SCLT1: variants seen among roughly 807,000 people sequenced by gnomAD.
SCLT1 encodes sodium channel and clathrin linker 1, also known as sodium channel-associated protein 1.
Under a neutral mutation model 112.8 loss-of-function variants are expected in SCLT1, and 78 were observed. The observed-to-expected ratio is 0.69, with a 90% CI of 0.58 to 0.83. The LOEUF is 0.83. Among genes scored for constraint, SCLT1 ranks in the 40% least tolerant of loss-of-function variants. SCLT1 has a pLI of 0.00. For synonymous variants in SCLT1, 257 were observed against 254.7 expected (o/e 1.01, Z -0.09); for missense variants, 747 against 770.4 (o/e 0.97, Z 0.36).
Position 129,005,595 on chromosome 4 carries a change from G to A in SCLT1, c.291-1719C>T, listed in dbSNP as rs183305367. On this transcript the variant is annotated intron_variant, in intron 5 of 20. Transcript: ENST00000281142. ...ACTGTAAACTAGTTCAACTATTGTG[G>A]AAGTCAGTGTGGCAATTCCTCAGGG... Among the ~76,000 whole-genome samples, 530 of 152,278 alleles carry A rather than the reference G, an allele frequency of 3.5e-3. 1 individual carries two copies. Among genetic ancestry groups the A allele is most frequent in the Non-Finnish European group, 5.7e-3 (390 of 68,026 alleles).
intron 2 of SCLT1, among the ~76,000 whole-genome samples, chr4:129,063,410 C>T (rs1298144034): frequency 6.6e-6 from 1 of 152,212 alleles, no homozygotes; most frequent in African/African-American, 2.4e-5. Context: ...TTCTTTGGAT[C>T]CCATTAAACT....
chr4:128,991,859 T>A (rs1033378539), intron 9 of SCLT1, among the ~76,000 whole-genome samples: 1 of 151,854 alleles, frequency 6.6e-6, no homozygotes, highest in East Asian at 1.9e-4. Context: ...TACTAGGTAT[T>A]ATAAGTTATC....
chr4:129,014,180 A>G (rs1579702864), intron 5 of SCLT1, among the ~76,000 whole-genome samples: 1 of 151,846 alleles, frequency 6.6e-6, no homozygotes, highest in Middle Eastern at 3.4e-3. Context: ...TTTTTTCTAT[A>G]CTGGCTATTT....
intron 13 of SCLT1, among the ~76,000 whole-genome samples, 196 bp from the exon 14 acceptor site, chr4:128,953,036 T>C (rs966102424): frequency 2.0e-5 from 3 of 152,052 alleles, no homozygotes; most frequent in African/African-American, 7.2e-5. Context: ...GAATGGTATA[T>C]CCAAAAGGAC....
At chr4:128,955,461 G>A (rs1359170632) in intron 13 of SCLT1, among the ~76,000 whole-genome samples, 1 of 152,100 alleles carries the variant, frequency 6.6e-6, no homozygotes, top group Non-Finnish European at 1.5e-5. Flanking sequence ...AAGAAATAAA[G>A]TATTTTCATA....
intron 18 of SCLT1, among the ~76,000 whole-genome samples, chr4:128,915,172 A>C (rs1037573516): frequency 3.9e-5 from 6 of 152,234 alleles, no homozygotes; most frequent in Non-Finnish European, 7.3e-5. Flanking sequence ...TTATGTTCAT[A>C]TATAGATACC....
In SCLT1 at chr4:128,946,026, T is replaced by C. The variant is rs769779138; in HGVS notation, c.1420A>G (p.Ile474Val). ...QLRLTRAENR[I>V]KQLETDSSEE... ...ACTTACTCAGTTTCAAGTTGTTTTA[T>C]TCTATTTTCTGCTCTCGTAAGTCTT... Residue 474 changes from isoleucine (I) to valine (V), a missense_variant, in exon 16 of 21, where the codon ATA becomes GTA. Transcript: ENST00000281142. 2 of 1,608,798 alleles carry C rather than the reference T, an allele frequency of 1.2e-6. No homozygotes were observed. The highest frequency in any genetic ancestry group is 1.7e-6 in the Non-Finnish European group (2 of 1,176,642).
chr4:128,948,380 C>T (rs1180595686), intron 15 of SCLT1, 116 bp downstream of exon 15: 1 of 803,644 alleles, frequency 1.2e-6, no homozygotes, highest in Non-Finnish European at 1.7e-6. Flanking sequence ...GAAAAACTTA[C>T]CAGGACAATA....
intron 5 of SCLT1, among the ~76,000 whole-genome samples, chr4:129,020,483 T>C (rs1745367533): frequency 6.6e-6 from 1 of 152,216 alleles, no homozygotes; most frequent in African/African-American, 2.4e-5. Flanking sequence ...CTTTGACAAA[T>C]ACAAGTGATG....
chr4:128,960,069 C>T (rs1296651066), intron 11 of SCLT1, among the ~76,000 whole-genome samples: 1 of 152,092 alleles, frequency 6.6e-6, no homozygotes, highest in Non-Finnish European at 1.5e-5. Context: ...TTATGTTATA[C>T]TTGTTATGGT....
At chr4:128,928,389 T>C (rs1234387075) in intron 18 of SCLT1, among the ~76,000 whole-genome samples, 1 of 151,976 alleles carries the variant, frequency 6.6e-6, no homozygotes, top group African/African-American at 2.4e-5. Flanking sequence ...AATCCAGAAA[T>C]ATATATAAGG....
chr4:129,062,222 T>C, intron 2 of SCLT1, among the ~76,000 whole-genome samples: 1 of 152,154 alleles, frequency 6.6e-6, no homozygotes, highest in Non-Finnish European at 1.5e-5. Flanking sequence ...ATTTTCTACA[T>C]GGCCATTTTG....
At chr4:128,986,213 G>C (rs779048889) in intron 9 of SCLT1, among the ~76,000 whole-genome samples, 1 of 152,074 alleles carries the variant, frequency 6.6e-6, no homozygotes, top group African/African-American at 2.4e-5. Flanking sequence ...TTAGAATTCA[G>C]TGCTGCCCTG....
chr4:129,017,759 TA>T (rs1393258658), intron 5 of SCLT1, among the ~76,000 whole-genome samples: 1 of 152,186 alleles, frequency 6.6e-6, no homozygotes, highest in Admixed American at 6.5e-5. Flanking sequence ...AGAAATTAAA[TA>T]AAACGTTTTG....
chr4:128,931,154 GA>G (rs1237836390), intron 18 of SCLT1, among the ~76,000 whole-genome samples: 2 of 151,796 alleles, frequency 1.3e-5, no homozygotes, highest in East Asian at 3.9e-4. Context: ...AAACTAGGCA[GA>G]AGGTTTTTGG....
Position 128,948,427 on chromosome 4 carries a change from G to A in SCLT1, c.1293+69C>T, listed in dbSNP as rs137858240. On this transcript the variant is annotated intron_variant, in intron 15 of 20. Transcript: ENST00000281142. Reference sequence around the variant, plus strand: ...AGGAATTGCTAGTAGATGGCATGATGGAGGCAGACAGTAATGTTGCATATT... The same window carrying A: ...AGGAATTGCTAGTAGATGGCATGATAGAGGCAGACAGTAATGTTGCATATT... 13,516 of 1,549,090 alleles carry A rather than the reference G, an allele frequency of 8.7e-3. 70 individuals are homozygous for A. Among genetic ancestry groups the A allele is most frequent in the Non-Finnish European group, 0.01 (11,629 of 1,151,704 alleles).
chr4:128,895,880 A>G (rs1024344105), intron 18 of SCLT1, among the ~76,000 whole-genome samples: 1 of 152,232 alleles, frequency 6.6e-6, no homozygotes, highest in African/African-American at 2.4e-5. Flanking sequence ...ACGGCACACC[A>G]GGAGATTATA....
intron 11 of SCLT1, among the ~76,000 whole-genome samples, chr4:128,964,323 C>A (rs556034129): frequency 4.7e-4 from 71 of 152,292 alleles, no homozygotes; most frequent in African/African-American, 1.5e-3. Flanking sequence ...AAAGCCAATA[C>A]TCCTGTTGAA....
At chr4:128,898,580 G>T (rs528195599) in intron 18 of SCLT1, among the ~76,000 whole-genome samples, 4 of 151,844 alleles carry the variant, frequency 2.6e-5, no homozygotes, top group Admixed American at 6.6e-5. Flanking sequence ...AGGAAAGATC[G>T]AAAATTGACA....
Sources: gnomAD v4.1 joint callset for allele counts (sites outside exome capture counted in the v4.1 genomes callset) on GRCh38, gnomAD v4.1.1 for gene constraint, MANE v1.5 for transcripts, NCBI Gene and HGNC (gene_info 2026-07-23, HGNC 2026-07-21) for gene names.